The following PCSK6 variants were observed in gnomAD, a reference collection of about 807,000 sequenced individuals.
The protein encoded by PCSK6 is proprotein convertase subtilisin/kexin type 6, also known as paired basic amino acid cleaving enzyme 4.
In PCSK6, 85 loss-of-function variants were observed where a neutral mutation model predicts 123.3. The observed-to-expected ratio is 0.69, with a 90% CI of 0.58 to 0.83. The LOEUF (loss-of-function observed/expected upper bound fraction) is 0.83. PCSK6 is among the 40% of genes least tolerant of loss of function. PCSK6 has a pLI of 0.00. For synonymous variants in PCSK6, 508 were observed against 516.0 expected, an observed-to-expected ratio of 0.98 and a Z score of 0.21; for missense variants, 1,191 against 1,282.3, an observed-to-expected ratio of 0.93 and a Z score of 1.09.
intron 1 of PCSK6, among the ~76,000 whole-genome samples, chr15:101,471,027 T>C (rs368962886): frequency 1.3e-5 from 2 of 152,114 alleles, no homozygotes; most frequent in African/African-American, 2.4e-5. Flanking sequence ...CTCTCCTCCT[T>C]CTCTCTCCTC....
chr15:101,467,823 C>T (rs115955153), intron 1 of PCSK6, among the ~76,000 whole-genome samples: 4,155 of 151,832 alleles, frequency 0.027, 203 homozygotes, highest in African/African-American at 0.093. Context: ...CTAAGCAACA[C>T]GTTGTCTAAG....
intron 15 of PCSK6, among the ~76,000 whole-genome samples, chr15:101,328,362 G>A (rs966382529): frequency 3.9e-5 from 6 of 152,212 alleles, no homozygotes; most frequent in African/African-American, 1.4e-4. Context: ...TCTAGACACG[G>A]AATGGGAGAC....
chr15:101,384,489 C>T, intron 9 of PCSK6, 64 bp from the exon 10 acceptor site: 1 of 1,427,580 alleles, frequency 7.0e-7, no homozygotes, highest in Non-Finnish European at 9.7e-7. Flanking sequence ...ACAGGCCACT[C>T]AGAGGCAGGG....
In PCSK6 at chr15:101,326,249, C is replaced by G. The variant is rs902465108; in HGVS notation, c.2180+128G>C. The G allele has an allele frequency of 1.2e-5, 8 of 680,428 alleles. No individual in the cohort carries two copies. In the African/African-American group the frequency reaches 1.4e-4, roughly 12 times the overall value. 42.1% of individuals were successfully genotyped at this position (680,428 alleles called of 1,614,324 possible). ...AATTTAAAAACTCCAAAGCAGTTAACTTCAGTGTGATGATTGTTTGGGGGT... is the reference window on the plus strand; with the variant it reads ...AATTTAAAAACTCCAAAGCAGTTAAGTTCAGTGTGATGATTGTTTGGGGGT... On this transcript the variant is annotated intron_variant, in intron 16 of 21. Coordinates refer to ENST00000611716, the MANE Select transcript of PCSK6 (RefSeq NM_002570.5).
intron 11 of PCSK6, among the ~76,000 whole-genome samples, chr15:101,372,039 C>G (rs988620326): frequency 2.0e-5 from 3 of 152,156 alleles, no homozygotes; most frequent in African/African-American, 7.2e-5. Context: ...ACTCCCCAGA[C>G]CAAGCAGATC....
intron 6 of PCSK6, among the ~76,000 whole-genome samples, chr15:101,403,853 G>A (rs562115989): frequency 2.0e-5 from 3 of 152,140 alleles, no homozygotes; most frequent in African/African-American, 7.2e-5. Context: ...CCAAGTAGCT[G>A]GGATTACAGG....
intron 6 of PCSK6, among the ~76,000 whole-genome samples, chr15:101,411,657 G>GA (rs1262532163): frequency 1.3e-5 from 2 of 152,242 alleles, no homozygotes; most frequent in African/African-American, 4.8e-5. Flanking sequence ...AGAACAAATG[G>GA]AAAAAACCAT....
At chr15:101,392,773 C>G (rs1394042237) in intron 8 of PCSK6, among the ~76,000 whole-genome samples, 1 of 152,124 alleles carries the variant, frequency 6.6e-6, no homozygotes, top group African/African-American at 2.4e-5. Context: ...TCTGTAGCAA[C>G]AGAATGCCTA....
chr15:101,347,620 T>G, intron 13 of PCSK6: 1 of 1,549,264 alleles, frequency 6.5e-7, no homozygotes, highest in Non-Finnish European at 8.8e-7. Context: ...GCTGAGCCTC[T>G]GGGGGCGGGA....
At chr15:101,399,379 A>G (rs1480605875) in intron 6 of PCSK6, among the ~76,000 whole-genome samples, 1 of 152,066 alleles carries the variant, frequency 6.6e-6, no homozygotes, top group Non-Finnish European at 1.5e-5. Flanking sequence ...AATGGAGGGG[A>G]CTGGGGTCTT....
Position 101,431,352 on chromosome 15 carries a change from C to T in PCSK6, c.625G>A (p.Glu209Lys). 4 of 1,614,000 alleles carry T rather than the reference C, an allele frequency of 2.5e-6. No individual in the cohort carries two copies. Among genetic ancestry groups the T allele is most frequent in the Non-Finnish European group, 3.4e-6 (4 of 1,179,878 alleles). The change falls in exon 4 of 22, where the codon GAG (glutamate) becomes AAG (lysine). Residue 209 changes from glutamate (E) to lysine (K), a missense_variant. Around this residue, in one of 3 missense-constraint regions of PCSK6, gnomAD observed 357 missense variants for 484.5 expected, o/e 0.74. Coordinates refer to ENST00000611716, the MANE Select transcript of PCSK6 (RefSeq NM_002570.5). ...VVVTILDDGIERNHPDLAPNY... is the reference protein window; with the variant it reads ...VVVTILDDGIKRNHPDLAPNY... ...GGGGCCAGGTCAGGGTGATTTCTCT[C>T]TATGCCATCATCAAGGATGGTGACC... is the stretch of plus-strand genomic sequence containing the variant.
chr15:101,362,049 C>T (rs1279725816), intron 13 of PCSK6, among the ~76,000 whole-genome samples: 2 of 151,082 alleles, frequency 1.3e-5, no homozygotes, highest in African/African-American at 4.9e-5. Flanking sequence ...CTCCACCTCC[C>T]AGGTTCACAC....
chr15:101,331,480 TA>T (rs1451120843), intron 15 of PCSK6, among the ~76,000 whole-genome samples, 170 bp downstream of exon 15: 1 of 152,156 alleles, frequency 6.6e-6, no homozygotes, highest in East Asian at 1.9e-4. Flanking sequence ...AAAGTGGATG[TA>T]CTTGAGGGAG....
chr15:101,358,629 C>T (rs934391203), intron 13 of PCSK6, among the ~76,000 whole-genome samples: 27 of 152,342 alleles, frequency 1.8e-4, no homozygotes, highest in Non-Finnish European at 1.8e-4. Flanking sequence ...TGTTAGGATA[C>T]GCAGACCTCC....
chr15:101,344,567 A>G (rs1417729671), intron 13 of PCSK6, among the ~76,000 whole-genome samples: 2 of 152,212 alleles, frequency 1.3e-5, no homozygotes, highest in East Asian at 3.8e-4. Flanking sequence ...ACTATAAGCC[A>G]CAGGCAAGGG....
intron 1 of PCSK6, among the ~76,000 whole-genome samples, chr15:101,454,425 T>C (rs956966654): frequency 1.3e-5 from 2 of 152,078 alleles, no homozygotes; most frequent in Non-Finnish European, 1.5e-5. Flanking sequence ...GGACACACGA[T>C]GGAATATGGC....
intron 10 of PCSK6, 165 bp downstream of exon 10, chr15:101,384,157 C>A: frequency 7.0e-7 from 1 of 1,421,964 alleles, no homozygotes; most frequent in Admixed American, 2.6e-5. Context: ...TGTGAGCTTC[C>A]GGGATACTTT....
intron 6 of PCSK6, among the ~76,000 whole-genome samples, chr15:101,422,766 C>T (rs1042274741): frequency 2.0e-5 from 3 of 152,088 alleles, no homozygotes; most frequent in Admixed American, 6.5e-5. Flanking sequence ...GGACTGCAGG[C>T]GCCCGCCACC....
At chr15:101,348,145 G>GC (rs1258100210) in intron 13 of PCSK6, among the ~76,000 whole-genome samples, 8 of 149,554 alleles carry the variant, frequency 5.3e-5, no homozygotes, top group Non-Finnish European at 7.5e-5. Flanking sequence ...CACAACCCCC[G>GC]CCCCCCCGGG....
Sources: gnomAD v4.1 joint callset for allele counts (sites outside exome capture counted in the v4.1 genomes callset) on GRCh38, gnomAD v4.1.1 for gene constraint, gnomAD v4.1.1 regional missense constraint, MANE v1.5 for transcripts, NCBI Gene and HGNC (gene_info 2026-07-23, HGNC 2026-07-21) for gene names.